Variants in MTMR9 observed in about 807,000 individuals in gnomAD.
MTMR9 encodes myotubularin related protein 9.
In MTMR9, 39 loss-of-function variants were observed where a neutral mutation model predicts 69.5. That is an observed-to-expected ratio of 0.56 (90% confidence interval 0.43 to 0.73). The LOEUF is 0.73. MTMR9 is among the 30% of genes least tolerant of loss of function. MTMR9 has a pLI of 0.00. For missense variants in MTMR9, 900 were observed against 671.2 expected (o/e 1.34, Z -3.77); for synonymous variants, 354 against 240.8 (o/e 1.47, Z -4.35).
At chr8:11,319,251 A>G (rs1404527993) in intron 8 of MTMR9, 1 of 153,330 alleles carries the variant, frequency 6.5e-6, no homozygotes, top group African/African-American at 2.4e-5. Context: ...AATAAATAGG[A>G]CATAAATGTC....
the MTMR9 span, among the ~76,000 whole-genome samples, chr8:11,334,518 CAAG>C: frequency 6.6e-6 from 1 of 151,464 alleles, no homozygotes; most frequent in Admixed American, 6.6e-5. Flanking sequence ...ATGGAAAACA[CAAG>C]AAGAAATGAG....
At position 11,304,724 on chromosome 8, in the gene MTMR9, C is replaced by A; in HGVS notation, c.418-117C>A. The A allele has an allele frequency of 3.0e-6, 3 of 1,005,692 alleles. No homozygotes were observed. In the East Asian group the frequency reaches 7.3e-5, roughly 24 times the overall value. 62.3% of individuals were successfully genotyped at this position (1,005,692 alleles called of 1,614,324 possible). A position where few individuals can be genotyped will look rare whatever the true frequency, so the allele number is the denominator to read the frequency against. On this transcript the variant is annotated intron_variant, in intron 3 of 9. Transcript: ENST00000221086. ...AAGCTAGAGATCCACCTGTGAAATT[C>A]CTGAGAAATGGCTTCTTCATCAGTG...
At chr8:11,293,122 A>T (rs1393614648) in intron 1 of MTMR9, among the ~76,000 whole-genome samples, 1 of 152,208 alleles carries the variant, frequency 6.6e-6, no homozygotes, top group Non-Finnish European at 1.5e-5. Context: ...TCCCCTGAAG[A>T]CCTTCCAGTG....
rs535050351 is a variant in MTMR9 at position 11,306,391 on chromosome 8, C to T, written c.793C>T (p.His265Tyr). 2.3e-4 allele frequency: 375 copies of T among 1,613,876 alleles called. 6 individuals carry two copies. The South Asian group carries it at 3.9e-3, about 17-fold the overall frequency. Residue 265 changes from histidine (H) to tyrosine (Y), a missense_variant, in exon 5 of 10, where the codon CAT (histidine) becomes TAT (tyrosine). Coordinates refer to ENST00000221086, the MANE Select transcript of MTMR9 (RefSeq NM_015458.4). ...TCATTATCCTCAGTGGAGGCGAATT[C>T]ATAAGTCCATTGAGAGGTAAAAGAT... ...EAHYPQWRRI[H>Y]KSIERYHILQ...
Position 11,327,197 on chromosome 8 carries a change from C to T in MTMR9, c.*4409C>T, listed in dbSNP as rs1218253659. 1 of 152,140 alleles carries T rather than the reference C, an allele frequency of 6.6e-6. No individual in the cohort carries two copies. Among genetic ancestry groups the T allele is most frequent in the Admixed American group, 6.5e-5 (1 of 15,272 alleles). 9.4% of individuals were successfully genotyped at this position (152,140 alleles called of 1,614,324 possible). On this transcript the variant is annotated 3_prime_UTR_variant, in exon 10 of 10. Transcript: ENST00000221086. ...AATTCTAGGACTGGATATTAAAATGCCTGAACCTGTTATCTAAATCCTTTT... is the reference window on the plus strand; with the variant it reads ...AATTCTAGGACTGGATATTAAAATGTCTGAACCTGTTATCTAAATCCTTTT...
rs1435114421 is a variant in MTMR9, at chr8:11,325,713, C to G, written c.*2925C>G. ...TGTTTGATTATATGTTTTTAAAAAC[C>G]TGAAGCTTTTTTGGTGGCAGGACCT... On this transcript the variant is annotated 3_prime_UTR_variant, in exon 10 of 10. Transcript: ENST00000221086. 1.3e-5 allele frequency: 2 copies of G among 149,980 alleles called. No individual in the cohort carries two copies. The highest frequency in any genetic ancestry group is 1.5e-5 in the Non-Finnish European group (1 of 67,616). 9.3% of individuals were successfully genotyped at this position (149,980 alleles called of 1,614,324 possible).
chr8:11,325,059 C>T lies in MTMR9; in HGVS notation c.*2271C>T, dbSNP rs1363612584. 6.6e-6 allele frequency: 1 copy of T among 152,188 alleles called. No homozygotes were observed. Among genetic ancestry groups the T allele is most frequent in the African/African-American group, 2.4e-5 (1 of 41,450 alleles). The allele number at this position is 152,188 out of a possible 1,614,324, so 9.4% of individuals were successfully genotyped here. ...TAACACGGTATTCGCATTTCGTTTT[C>T]TCTGTCTCACTGAGACAACAATCTA... On this transcript the variant is annotated 3_prime_UTR_variant, in exon 10 of 10. Coordinates refer to ENST00000221086, the MANE Select transcript of MTMR9 (RefSeq NM_015458.4).
intron 3 of MTMR9, chr8:11,300,378 C>A: frequency 3.1e-6 from 1 of 323,678 alleles, no homozygotes; most frequent in South Asian, 4.3e-5. Context: ...CCAAGTATTT[C>A]TAAATTAAAC....
chr8:11,305,983 A>G (rs1046603289), intron 4 of MTMR9, among the ~76,000 whole-genome samples: 3 of 152,250 alleles, frequency 2.0e-5, no homozygotes, highest in Admixed American at 6.5e-5. Flanking sequence ...TTTGAGACAG[A>G]GAAATTGTGT....
chr8:11,335,122 G>A, the MTMR9 span, among the ~76,000 whole-genome samples: 1 of 152,154 alleles, frequency 6.6e-6, no homozygotes, highest in Non-Finnish European at 1.5e-5. Flanking sequence ...TGGGAAGGAA[G>A]AAACAGAACT....
At chr8:11,338,442 C>A in the MTMR9 span, among the ~76,000 whole-genome samples, 1 of 152,176 alleles carries the variant, frequency 6.6e-6, no homozygotes, top group South Asian at 2.1e-4. Flanking sequence ...TTGAACCGGG[C>A]TCCATAGTGT....
At position 11,324,385 on chromosome 8, in the gene MTMR9, G is replaced by C. The variant is rs1800830235; in HGVS notation, c.*1597G>C. On this transcript the variant is annotated 3_prime_UTR_variant, in exon 10 of 10. Transcript: ENST00000221086. Reference sequence around the variant, plus strand: ...TGGCCTGCCACCTTCTTTAAGCTCAGTTTATTTTTGACTTACTTTCTTTGC... The same window carrying C: ...TGGCCTGCCACCTTCTTTAAGCTCACTTTATTTTTGACTTACTTTCTTTGC... 1 of 151,836 alleles carries C rather than the reference G, an allele frequency of 6.6e-6. No homozygotes were observed. Among genetic ancestry groups the C allele is most frequent in the South Asian group, 2.1e-4 (1 of 4,808 alleles). 9.4% of individuals were successfully genotyped at this position (151,836 alleles called of 1,614,324 possible).
chr8:11,317,971 T>G (rs952404544), intron 8 of MTMR9: 2 of 151,972 alleles, frequency 1.3e-5, no homozygotes, highest in Non-Finnish European at 2.9e-5. Flanking sequence ...CATAATATCC[T>G]CCCCACTTAG....
At chr8:11,331,153 C>T (rs775162152), downstream of MTMR9, 10 of 1,611,374 alleles carry the variant, frequency 6.2e-6, no homozygotes, top group African/African-American at 1.1e-4. Context: ...TCCACACACC[C>T]ATCGCCGCCC....
At chr8:11,302,490 A>G (rs775154205) in intron 3 of MTMR9, among the ~76,000 whole-genome samples, 5 of 152,108 alleles carry the variant, frequency 3.3e-5, no homozygotes, top group African/African-American at 9.7e-5. Flanking sequence ...TTAAAAGACA[A>G]ATGACCTGCA....
chr8:11,329,536 C>T (rs151000059), downstream of MTMR9, among the ~76,000 whole-genome samples: 1,914 of 152,366 alleles, frequency 0.013, 56 homozygotes, highest in East Asian at 0.1. Flanking sequence ...GGCTGGTATC[C>T]AGCTCCTAAC....
In MTMR9 at chr8:11,319,816, G is replaced by A. The variant is rs141778143; in HGVS notation, c.1464G>A (p.Pro488=). ...NNLVIWPSVA[P]QSLPLWEGIF... ...TTGTCATCTGGCCTTCAGTTGCTCC[G>A]CAGAGTCTTCCACTGTGGGAAGGTA... The change falls in exon 9 of 10, where the codon CCG becomes CCA. Residue 488 remains proline, a synonymous_variant. Coordinates refer to ENST00000221086, the MANE Select transcript of MTMR9 (RefSeq NM_015458.4). 921 of 1,614,028 alleles carry A rather than the reference G, an allele frequency of 5.7e-4. 4 individuals carry two copies. In the African/African-American group the frequency reaches 0.011, roughly 19 times the overall value.
rs978017861 is a variant in MTMR9, at chr8:11,325,039, C to T, written c.*2251C>T. 2.0e-5 allele frequency: 3 copies of T among 152,194 alleles called. No individual in the cohort carries two copies. Among genetic ancestry groups the T allele is most frequent in the South Asian group, 2.1e-4 (1 of 4,830 alleles). The allele number at this position is 152,194 out of a possible 1,614,324, so 9.4% of individuals were successfully genotyped here. ...TGCGAGCCAGAGTACAGTCATAACA[C>T]GGTATTCGCATTTCGTTTTCTCTGT... On this transcript the variant is annotated 3_prime_UTR_variant, in exon 10 of 10. Coordinates refer to ENST00000221086, the MANE Select transcript of MTMR9 (RefSeq NM_015458.4).
intron 7 of MTMR9, 107 bp downstream of exon 7, chr8:11,315,171 A>C (rs1253242509): frequency 2.2e-6 from 3 of 1,384,954 alleles, no homozygotes; most frequent in Non-Finnish European, 3.0e-6. Context: ...TAAAATTTCT[A>C]AGTTGTGTGT....
Sources: gnomAD v4.1 joint callset for allele counts (sites outside exome capture counted in the v4.1 genomes callset) on GRCh38, gnomAD v4.1.1 for gene constraint, MANE v1.5 for transcripts, NCBI Gene and HGNC (gene_info 2026-07-23, HGNC 2026-07-21) for gene names.